NR6A1: variants seen among roughly 807,000 people sequenced by gnomAD.
The protein encoded by NR6A1 is retinoic acid receptor-related testis-associated receptor.
NR6A1 carries 7 observed loss-of-function variants against 59.1 expected under a neutral mutation model. The observed-to-expected ratio is 0.12, with a 90% confidence interval of 0.07 to 0.22. The LOEUF (loss-of-function observed/expected upper bound fraction) is 0.22, where lower values mean the gene tolerates loss of function less well. Ranked by LOEUF, NR6A1 falls within the 10% of genes least tolerant of loss-of-function variation. NR6A1 has a pLI of 1.00. For synonymous variants in NR6A1, 243 were observed against 236.1 expected, an observed-to-expected ratio of 1.03 and a Z score of -0.27; for missense variants, 468 against 611.6, an observed-to-expected ratio of 0.77 and a Z score of 2.48.
At chr9:124,663,697 A>G (rs199781003) in intron 2 of NR6A1, among the ~76,000 whole-genome samples, 1 of 152,214 alleles carries the variant, frequency 6.6e-6, no homozygotes, top group African/African-American at 2.4e-5. Context: ...GCTGGTTCAT[A>G]GCACAGGCCA....
intron 2 of NR6A1, chr9:124,692,587 GC>G: frequency 2.3e-6 from 1 of 441,496 alleles, no homozygotes; most frequent in South Asian, 1.7e-5. Flanking sequence ...AAAAGAGCAA[GC>G]TGTACCTTCA....
chr9:124,555,350 C>T (rs1247335931), intron 2 of NR6A1, among the ~76,000 whole-genome samples: 5 of 152,136 alleles, frequency 3.3e-5, no homozygotes, highest in Admixed American at 3.3e-4. Flanking sequence ...GAAGCTATGC[C>T]AGCAGGTACA....
intron 2 of NR6A1, among the ~76,000 whole-genome samples, chr9:124,625,679 T>C (rs1836218803): frequency 6.6e-6 from 1 of 152,154 alleles, no homozygotes; most frequent in Non-Finnish European, 1.5e-5. Context: ...GGCCACAGGG[T>C]GCCCAGACTG....
chr9:124,758,075 G>A (rs1374923601), intron 1 of NR6A1, among the ~76,000 whole-genome samples: 1 of 152,106 alleles, frequency 6.6e-6, no homozygotes, highest in East Asian at 1.9e-4. Context: ...TGAATTCCAG[G>A]GAACCAAAGT....
chr9:124,754,080 G>A (rs2131179791), intron 1 of NR6A1, among the ~76,000 whole-genome samples: 1 of 152,264 alleles, frequency 6.6e-6, no homozygotes, highest in East Asian at 1.9e-4. Flanking sequence ...TCACTAGGTG[G>A]TTCATAACCA....
In NR6A1 at chr9:124,540,058, A is replaced by T; in HGVS notation, c.571T>A (p.Ser191Thr). The change falls in exon 5 of 10, where the codon TCA (serine) becomes ACA (threonine). Residue 191 changes from serine to threonine, a missense_variant. Physicochemically the swap from Ser to Thr is moderately conservative, Grantham distance 58 (BLOSUM62 1). Coordinates refer to ENST00000487099, the MANE Select transcript of NR6A1 (RefSeq NM_033334.4). ...GNRASESNQP[S>T]PGSTLSSSRS... ...CTGGAAGACAGTGTGGAGCCTGGTG[A>T]GGGCTGGTTGCTCTCCGAAGCCCTG... is the stretch of plus-strand genomic sequence containing the variant. 6.2e-7 allele frequency: 1 copy of T among 1,603,074 alleles called. No individual in the cohort carries two copies. The highest frequency in any genetic ancestry group is 8.5e-7 in the Non-Finnish European group (1 of 1,178,424).
At position 124,679,000 on chromosome 9, in the gene NR6A1, G is replaced by A. The variant is rs527474578; in HGVS notation, c.142+54308C>T. 5.8e-4 allele frequency among the ~76,000 whole-genome samples: 88 copies of A among 152,120 alleles called. 1 individual carries two copies. In the South Asian group the frequency reaches 0.018, roughly 31 times the overall value. On this transcript the variant is annotated intron_variant, in intron 2 of 9. Transcript: ENST00000487099. The stretch of plus-strand genomic sequence containing the variant: ...GGAGGCTGAGGTAGGAGGTTTGCTT[G>A]GAAACTAGCCTAAGCAACACAGCAA...
intron 8 of NR6A1, 65 bp downstream of exon 8, chr9:124,526,714 A>G: frequency 6.3e-7 from 1 of 1,596,950 alleles, no homozygotes; most frequent in Middle Eastern, 1.7e-4. Flanking sequence ...GTGAAACAGG[A>G]GGGCAAATGC....
chr9:124,554,639 C>T (rs1259826895), intron 2 of NR6A1, 69 bp from the exon 3 acceptor site: 2 of 1,597,804 alleles, frequency 1.3e-6, no homozygotes, highest in East Asian at 2.2e-5. Context: ...AAGTGAGCAA[C>T]TCTGCTCTGG....
At chr9:124,532,175 T>A (rs1193419199) in intron 7 of NR6A1, among the ~76,000 whole-genome samples, 1 of 152,216 alleles carries the variant, frequency 6.6e-6, no homozygotes, top group Non-Finnish European at 1.5e-5. Context: ...TTAGATACAT[T>A]CTCTTTATAC....
chr9:124,690,925 T>C (rs3739760), intron 2 of NR6A1, among the ~76,000 whole-genome samples: 59,402 of 152,050 alleles, frequency 0.39, 14,147 homozygotes, highest in Admixed American at 0.56. Context: ...TCCAGAAACC[T>C]ACCTTTCTGT....
intron 1 of NR6A1, among the ~76,000 whole-genome samples, chr9:124,750,587 C>T (rs528526672): frequency 4.2e-4 from 64 of 152,112 alleles, no homozygotes; most frequent in African/African-American, 1.5e-3. Flanking sequence ...GGTGAAACCC[C>T]GTCTCTACTA....
rs1832892013 is a variant in NR6A1, at chr9:124,524,941, C to T, written c.1202-68G>A. On this transcript the variant is annotated intron_variant, in intron 8 of 9. Transcript: ENST00000487099. ...GATGGGCATTCTAATGTGGAAGAAA[C>T]ACCAGCTCCTTAAATATGTTCATTT... The T allele has an allele frequency of 3.3e-6, 5 of 1,495,796 alleles. No homozygotes were observed. In the East Asian group the frequency reaches 1.2e-4, roughly 35 times the overall value. The allele number at this position is 1,495,796 out of a possible 1,614,324, so 92.7% of individuals were successfully genotyped here.
chr9:124,763,261 G>A lies in NR6A1; in HGVS notation c.100+7759C>T, dbSNP rs553654996. Among the ~76,000 whole-genome samples, 91 of 152,216 alleles carry A rather than the reference G, an allele frequency of 6.0e-4. 1 individual carries two copies. In the South Asian group the frequency reaches 0.018, roughly 31 times the overall value. On this transcript the variant is annotated intron_variant, in intron 1 of 9. Transcript: ENST00000487099. ...TGACATTAAGTGGAAAAGTCTTTTT[G>A]AAAAATACAAGTGCATGGAAGTGAA...
intron 2 of NR6A1, among the ~76,000 whole-genome samples, chr9:124,604,721 G>T (rs571932053): frequency 6.6e-6 from 1 of 152,058 alleles, no homozygotes; most frequent in Non-Finnish European, 1.5e-5. Flanking sequence ...GAGATGGGAG[G>T]ATTGCTTCTT....
intron 2 of NR6A1, among the ~76,000 whole-genome samples, chr9:124,593,177 T>C (rs1835176398): frequency 6.6e-6 from 1 of 152,204 alleles, no homozygotes; most frequent in Admixed American, 6.5e-5. Flanking sequence ...AAAAATCAAA[T>C]CTACAATTTT....
chr9:124,604,068 T>C (rs1835516025), intron 2 of NR6A1, among the ~76,000 whole-genome samples: 1 of 152,158 alleles, frequency 6.6e-6, no homozygotes, highest in South Asian at 2.1e-4. Flanking sequence ...TTCTTTAGGG[T>C]AGAACTTGGC....
chr9:124,541,627 C>T (rs7038207), intron 4 of NR6A1, among the ~76,000 whole-genome samples: 24 of 152,258 alleles, frequency 1.6e-4, no homozygotes, highest in African/African-American at 5.3e-4. Flanking sequence ...CATGGAGGTT[C>T]CTCTAAAAGT....
intron 1 of NR6A1, among the ~76,000 whole-genome samples, chr9:124,754,434 T>C (rs1430950081): frequency 6.6e-6 from 1 of 152,228 alleles, no homozygotes; most frequent in Non-Finnish European, 1.5e-5. Flanking sequence ...AAGTCAGAAC[T>C]GACCGTTGGA....
Sources: gnomAD v4.1 joint callset for allele counts (sites outside exome capture counted in the v4.1 genomes callset) on GRCh38, gnomAD v4.1.1 for gene constraint, MANE v1.5 for transcripts, NCBI Gene and HGNC (gene_info 2026-07-23, HGNC 2026-07-21) for gene names.